The following KIAA0825 variants were observed in gnomAD, a reference collection of about 807,000 sequenced individuals.
The protein encoded by KIAA0825 is KIAA0825.
In KIAA0825, 119 loss-of-function variants were observed where a neutral mutation model predicts 147.6. The ratio of observed to expected loss-of-function variants is 0.81; its 90% confidence interval spans 0.69 to 0.94. The LOEUF (loss-of-function observed/expected upper bound fraction) is 0.94. Among genes scored for constraint, KIAA0825 ranks in the 40% least tolerant of loss-of-function variants. The pLI, the probability that KIAA0825 is intolerant of heterozygous loss-of-function variation, is 0.00. For missense variants in KIAA0825, 1,381 were observed against 1,472.7 expected (o/e 0.94, Z 1.02); for synonymous variants, 470 against 518.1 (o/e 0.91, Z 1.26).
rs868162648 is a variant in KIAA0825 at position 94,364,618 on chromosome 5, G to A, written c.3710+19750C>T. ...AGGATGGTCTCAATCTCCTGACCTC[G>A]TGATCCACCTGCCTTGGCCTCCCAA... is the stretch of plus-strand genomic sequence containing the variant. On this transcript the variant is annotated intron_variant, in intron 20 of 20. Coordinates refer to ENST00000682413, the MANE Select transcript of KIAA0825 (RefSeq NM_001145678.3). Among the ~76,000 whole-genome samples, 4 of 152,026 alleles carry A rather than the reference G, an allele frequency of 2.6e-5. No homozygotes were observed. The Middle Eastern group carries it at 0.01, about 388-fold the overall frequency.
At chr5:94,221,300 A>G (rs1030723213) in intron 20 of KIAA0825, among the ~76,000 whole-genome samples, 1 of 152,130 alleles carries the variant, frequency 6.6e-6, no homozygotes, top group Non-Finnish European at 1.5e-5. Flanking sequence ...AGTCATTCCT[A>G]TTTGATCCAC....
chr5:94,443,690 T>C (rs1334715595), intron 13 of KIAA0825, among the ~76,000 whole-genome samples: 1 of 152,210 alleles, frequency 6.6e-6, no homozygotes, highest in Non-Finnish European at 1.5e-5. Flanking sequence ...ATTCATCAAT[T>C]AGCTCACATA....
At chr5:94,570,009 G>T (rs1478522823) in intron 2 of KIAA0825, 1 of 152,712 alleles carries the variant, frequency 6.5e-6, no homozygotes, top group South Asian at 2.1e-4. Flanking sequence ...CCATACATCG[G>T]AACAGACCTA....
chr5:94,443,991 C>T (rs912553532), intron 13 of KIAA0825, among the ~76,000 whole-genome samples: 8 of 152,170 alleles, frequency 5.3e-5, no homozygotes, highest in African/African-American at 9.7e-5. Flanking sequence ...CTCAGTGGTG[C>T]TGGAATGCTG....
intron 20 of KIAA0825, among the ~76,000 whole-genome samples, chr5:94,296,404 G>C (rs1462635201): frequency 1.3e-5 from 2 of 152,116 alleles, no homozygotes; most frequent in African/African-American, 4.8e-5. Context: ...CTTTCCAAGA[G>C]AGTGAACCAT....
intron 11 of KIAA0825, 84 bp from the exon 12 acceptor site, chr5:94,462,653 T>G: frequency 1.5e-6 from 1 of 646,014 alleles, no homozygotes. Flanking sequence ...TCTCTTGTAC[T>G]AAGCATATGT....
chr5:94,485,628 G>C (rs530237578), intron 5 of KIAA0825, among the ~76,000 whole-genome samples: 2 of 150,646 alleles, frequency 1.3e-5, no homozygotes, highest in Non-Finnish European at 3.0e-5. Context: ...ATTTTGCAAA[G>C]AAAGAGAGAG....
intron 20 of KIAA0825, among the ~76,000 whole-genome samples, chr5:94,315,179 T>C (rs907450513): frequency 6.6e-6 from 1 of 151,674 alleles, no homozygotes; most frequent in Non-Finnish European, 1.5e-5. Context: ...ATTAGCCTAA[T>C]TTTCTAGGCC....
chr5:94,351,400 A>G (rs1023771305), intron 20 of KIAA0825, among the ~76,000 whole-genome samples: 7 of 152,216 alleles, frequency 4.6e-5, no homozygotes, highest in African/African-American at 1.2e-4. Context: ...AAAGACCTCT[A>G]CAAGGAAAAC....
intron 7 of KIAA0825, 41 bp downstream of exon 7, chr5:94,477,070 T>C: frequency 7.5e-7 from 1 of 1,327,118 alleles, no homozygotes; most frequent in Non-Finnish European, 1.1e-6. Flanking sequence ...TATGATGATA[T>C]TATATGTGAA....
At position 94,386,465 on chromosome 5, in the gene KIAA0825, A is replaced by G. The variant is rs956648963; in HGVS notation, c.3457-61T>C. ...GAAGCAGACATTCTCTGTAAAAATA[A>G]ACTGATCAATATCCAAATTTATCCT... On this transcript the variant is annotated intron_variant, in intron 18 of 20. Coordinates refer to ENST00000682413, the MANE Select transcript of KIAA0825 (RefSeq NM_001145678.3). 5.8e-6 allele frequency: 8 copies of G among 1,368,436 alleles called. No homozygotes were observed. In the African/African-American group the frequency reaches 1.0e-4, roughly 18 times the overall value. 84.8% of individuals were successfully genotyped at this position (1,368,436 alleles called of 1,614,324 possible). A position where few individuals can be genotyped will look rare whatever the true frequency, so the allele number is the denominator to read the frequency against.
intron 2 of KIAA0825, among the ~76,000 whole-genome samples, chr5:94,559,381 C>G (rs1211481180): frequency 1.3e-5 from 2 of 152,150 alleles, no homozygotes; most frequent in African/African-American, 4.8e-5. Context: ...TATGCAAAGA[C>G]TTCATGACTA....
At chr5:94,199,257 T>G (rs920053200) in intron 20 of KIAA0825, among the ~76,000 whole-genome samples, 2 of 152,224 alleles carry the variant, frequency 1.3e-5, no homozygotes, top group African/African-American at 4.8e-5. Context: ...TACTGTAGTA[T>G]AAGTTGGGTT....
intron 14 of KIAA0825, among the ~76,000 whole-genome samples, chr5:94,418,475 C>G (rs1056435162): frequency 6.6e-6 from 1 of 150,706 alleles, no homozygotes. Context: ...CCCTCCCCCA[C>G]CCCTGCCCCC....
At chr5:94,447,460 T>C (rs767076417) in intron 13 of KIAA0825, among the ~76,000 whole-genome samples, 2 of 152,012 alleles carry the variant, frequency 1.3e-5, no homozygotes, top group Non-Finnish European at 2.9e-5. Flanking sequence ...TATGTCAAGA[T>C]GGAGGGAGTA....
intron 3 of KIAA0825, among the ~76,000 whole-genome samples, chr5:94,526,612 A>G (rs111317774): frequency 6.6e-6 from 1 of 152,134 alleles, no homozygotes; most frequent in African/African-American, 2.4e-5. Flanking sequence ...AAAATGCAAT[A>G]TGGAGTATGC....
chr5:94,214,856 G>A (rs949502756), intron 20 of KIAA0825, among the ~76,000 whole-genome samples: 2 of 151,728 alleles, frequency 1.3e-5, no homozygotes, highest in Admixed American at 6.6e-5. Flanking sequence ...TGAGTTTTGA[G>A]GAAAAAACAA....
Position 94,582,490 on chromosome 5 carries a change from G to A in KIAA0825, c.-59C>T, listed in dbSNP as rs1361813574. Reference sequence around the variant, plus strand: ...CTGGTCTTCGAATCCTAAGGAGGTAGAAAATTATTTCCTGAAGAGTTGTCA... The same window carrying A: ...CTGGTCTTCGAATCCTAAGGAGGTAAAAAATTATTTCCTGAAGAGTTGTCA... On this transcript the variant is annotated 5_prime_UTR_variant, in exon 2 of 21. Coordinates refer to ENST00000682413, the MANE Select transcript of KIAA0825 (RefSeq NM_001145678.3). 1 of 152,182 alleles carries A rather than the reference G, an allele frequency of 6.6e-6. No homozygotes were observed. 9.4% of individuals were successfully genotyped at this position (152,182 alleles called of 1,614,324 possible).
chr5:94,324,590 G>A (rs1234525317), intron 20 of KIAA0825, among the ~76,000 whole-genome samples: 1 of 151,930 alleles, frequency 6.6e-6, no homozygotes, highest in Non-Finnish European at 1.5e-5. Context: ...TGTTACCACA[G>A]CAGATTTTTT....
Sources: gnomAD v4.1 joint callset for allele counts (sites outside exome capture counted in the v4.1 genomes callset) on GRCh38, gnomAD v4.1.1 for gene constraint, MANE v1.5 for transcripts, NCBI Gene and HGNC (gene_info 2026-07-23, HGNC 2026-07-21) for gene names.